Variants in FAM135B observed in about 807,000 individuals in gnomAD.
The protein encoded by FAM135B is family with sequence similarity 135 member B.
In FAM135B, 43 loss-of-function variants were observed where a neutral mutation model predicts 127.7. The observed-to-expected ratio is 0.34, with a 90% CI of 0.26 to 0.43. FAM135B has a LOEUF of 0.43. Among genes scored for constraint, FAM135B ranks in the 20% least tolerant of loss-of-function variants. The probability of loss-of-function intolerance (pLI) is 1.00; values close to 1 mark genes in which losing one functional copy is unlikely to be tolerated. For missense variants in FAM135B, 1,558 were observed against 1,725.6 expected (o/e 0.90, Z 1.72); for synonymous variants, 670 against 665.1 (o/e 1.01, Z -0.11).
chr8:138,413,988 T>G (rs901050090), intron 1 of FAM135B, among the ~76,000 whole-genome samples: 9 of 151,886 alleles, frequency 5.9e-5, no homozygotes, highest in African/African-American at 1.9e-4. Context: ...TTTTCAAGAG[T>G]GAGAGCATGA....
At chr8:138,182,840 C>A (rs1815197074) in intron 9 of FAM135B, among the ~76,000 whole-genome samples, 1 of 152,234 alleles carries the variant, frequency 6.6e-6, no homozygotes, top group Non-Finnish European at 1.5e-5. Context: ...TATAAGTCCA[C>A]CAATGTCTGG....
chr8:138,215,925 A>G (rs764528152), intron 7 of FAM135B, among the ~76,000 whole-genome samples: 12 of 152,196 alleles, frequency 7.9e-5, no homozygotes, highest in Admixed American at 1.3e-4. Context: ...TCAGCATAGA[A>G]CAGGATTCTC....
At chr8:138,404,746 T>A (rs1249874450) in intron 1 of FAM135B, among the ~76,000 whole-genome samples, 1 of 152,190 alleles carries the variant, frequency 6.6e-6, no homozygotes, top group Non-Finnish European at 1.5e-5. Flanking sequence ...ATCAAAGTTT[T>A]ATCATGAGAT....
At chr8:138,190,616 G>A (rs1397513130) in intron 9 of FAM135B, among the ~76,000 whole-genome samples, 1 of 152,164 alleles carries the variant, frequency 6.6e-6, no homozygotes, top group Non-Finnish European at 1.5e-5. Flanking sequence ...TGTTTTTGTT[G>A]TAGTTGTTGT....
intron 3 of FAM135B, among the ~76,000 whole-genome samples, chr8:138,267,471 G>A (rs1823025703): frequency 6.6e-6 from 1 of 151,342 alleles, no homozygotes; most frequent in Non-Finnish European, 1.5e-5. Context: ...AGAAAATGAA[G>A]TCTCCAGTGA....
chr8:138,453,501 C>T (rs1836608317), intron 1 of FAM135B, among the ~76,000 whole-genome samples: 1 of 151,948 alleles, frequency 6.6e-6, no homozygotes, highest in African/African-American at 2.4e-5. Flanking sequence ...CTGCTGGTCC[C>T]GGACTCCCTC....
chr8:138,373,267 T>A (rs1831259615), intron 1 of FAM135B, among the ~76,000 whole-genome samples: 1 of 152,094 alleles, frequency 6.6e-6, no homozygotes. Context: ...TTCATGGACA[T>A]TTATTAGTTC....
intron 1 of FAM135B, among the ~76,000 whole-genome samples, chr8:138,394,754 A>G (rs1832768288): frequency 6.6e-6 from 1 of 152,134 alleles, no homozygotes; most frequent in Admixed American, 6.5e-5. Flanking sequence ...ACAGGCTCAG[A>G]CTGACTATGA....
chr8:138,277,344 CA>C (rs1224971944), intron 3 of FAM135B, among the ~76,000 whole-genome samples: 4 of 152,206 alleles, frequency 2.6e-5, no homozygotes, highest in Non-Finnish European at 5.9e-5. Context: ...CTCTCCAGCT[CA>C]AACCTCCTTA....
At chr8:138,419,052 G>C (rs1834336339) in intron 1 of FAM135B, among the ~76,000 whole-genome samples, 1 of 152,124 alleles carries the variant, frequency 6.6e-6, no homozygotes, top group Admixed American at 6.6e-5. Flanking sequence ...AAAAGGCACA[G>C]AGTGGCAAGA....
At chr8:138,447,226 C>T (rs1378880523) in intron 1 of FAM135B, among the ~76,000 whole-genome samples, 1 of 152,144 alleles carries the variant, frequency 6.6e-6, no homozygotes, top group Non-Finnish European at 1.5e-5. Flanking sequence ...ACTAGTTCAA[C>T]CATTGTGGAA....
intron 1 of FAM135B, among the ~76,000 whole-genome samples, chr8:138,397,950 G>A (rs1832936475): frequency 6.6e-6 from 1 of 152,120 alleles, no homozygotes; most frequent in African/African-American, 2.4e-5. Context: ...CACCACATCT[G>A]TTCTCACAGT....
chr8:138,373,344 AG>A (rs1831263590), intron 1 of FAM135B, among the ~76,000 whole-genome samples: 1 of 151,628 alleles, frequency 6.6e-6, no homozygotes, highest in Admixed American at 6.6e-5. Context: ...TAAATTGTGA[AG>A]ATTTCATGGA....
At chr8:138,286,414 GTC>G (rs1824692283) in intron 3 of FAM135B, among the ~76,000 whole-genome samples, 1 of 152,212 alleles carries the variant, frequency 6.6e-6, no homozygotes, top group Non-Finnish European at 1.5e-5. Flanking sequence ...TTGCTATGCA[GTC>G]TCTGTTTACA....
At chr8:138,377,944 C>T (rs1190566625) in intron 1 of FAM135B, among the ~76,000 whole-genome samples, 1 of 152,216 alleles carries the variant, frequency 6.6e-6, no homozygotes, top group East Asian at 1.9e-4. Flanking sequence ...GGCAAACAAT[C>T]TTATTAGAGA....
At chr8:138,319,327 G>A (rs561070764) in intron 2 of FAM135B, among the ~76,000 whole-genome samples, 54 of 152,184 alleles carry the variant, frequency 3.5e-4, no homozygotes, top group Non-Finnish European at 5.4e-4. Flanking sequence ...GACTGGTCTT[G>A]AACTCCTGAC....
At chr8:138,250,025 T>C (rs1046059002) in intron 6 of FAM135B, among the ~76,000 whole-genome samples, 1 of 152,164 alleles carries the variant, frequency 6.6e-6, no homozygotes, top group Non-Finnish European at 1.5e-5. Flanking sequence ...ATCTGGAACA[T>C]GTTCTGGGAA....
chr8:138,355,270 C>T (rs1371307374), intron 2 of FAM135B, among the ~76,000 whole-genome samples: 2 of 152,144 alleles, frequency 1.3e-5, no homozygotes, highest in African/African-American at 2.4e-5. Flanking sequence ...ACATGCACAC[C>T]TATGTTTACT....
chr8:138,425,965 A>AT (rs1834822377), intron 1 of FAM135B, among the ~76,000 whole-genome samples: 1 of 800 alleles, frequency 1.3e-3, no homozygotes. Context: ...CCAGGCCAAC[A>AT]TATATATATA....
Sources: gnomAD v4.1 joint callset for allele counts (sites outside exome capture counted in the v4.1 genomes callset) on GRCh38, gnomAD v4.1.1 for gene constraint, MANE v1.5 for transcripts, NCBI Gene and HGNC (gene_info 2026-07-23, HGNC 2026-07-21) for gene names.